Variants in GML observed in about 807,000 individuals in gnomAD.
GML encodes the protein glycosylphosphatidylinositol anchored molecule like.
Under a neutral mutation model 8.2 loss-of-function variants are expected in GML, and 5 were observed. The ratio of observed to expected loss-of-function variants is 0.61; its 90% CI spans 0.32 to 1.28. The LOEUF is 1.28. GML is among the 50% of genes most tolerant of loss of function. The pLI is 0.06. For synonymous variants in GML, 72 were observed against 69.0 expected (o/e 1.04, Z -0.22); for missense variants, 191 against 198.3 (o/e 0.96, Z 0.22).
intron 3 of GML, among the ~76,000 whole-genome samples, chr8:142,844,037 A>G (rs924196257): frequency 4.0e-5 from 6 of 151,582 alleles, no homozygotes; most frequent in African/African-American, 1.5e-4. Flanking sequence ...AGTCTTGGGG[A>G]AAAAGAAAAA....
At chr8:142,844,080 C>A (rs59123995) in intron 3 of GML, among the ~76,000 whole-genome samples, 93,815 of 151,944 alleles carry the variant, frequency 0.62, 29,283 homozygotes, top group East Asian at 0.85. Flanking sequence ...ACTATCAAAC[C>A]GTTTCCTTAA....
At chr8:142,835,362 G>A (rs7829926) in intron 1 of GML, among the ~76,000 whole-genome samples, 47,909 of 151,876 alleles carry the variant, frequency 0.32, 9,121 homozygotes, top group Admixed American at 0.4. Flanking sequence ...CCCTTCCCTC[G>A]GGGTGTCCCG....
At position 142,838,074 on chromosome 8, in the gene GML, C is replaced by G. The variant is rs62524967; in HGVS notation, c.-22-2342C>G. ...AAGGGTACCCTGGGAAGGGCTCGCC[C>G]TCTTCGGAATTTCAGTTTACGTGGG... On this transcript the variant is annotated intron_variant, in intron 1 of 3. Transcript: ENST00000220940. Among the ~76,000 whole-genome samples the G allele has an allele frequency of 4.6e-4, 67 of 144,970 alleles. 5 individuals are homozygous for G. Among genetic ancestry groups the G allele is most frequent in the Non-Finnish European group, 7.5e-4 (50 of 66,654 alleles).
chr8:142,837,058 C>G (rs1191670994), intron 1 of GML, among the ~76,000 whole-genome samples: 3 of 152,142 alleles, frequency 2.0e-5, no homozygotes, highest in Non-Finnish European at 4.4e-5. Context: ...CTTTGGGAGG[C>G]TGAGGCAGGC....
At chr8:142,841,033 C>T (rs567484269) in intron 2 of GML, 85 bp from the exon 3 acceptor site, 126 of 757,268 alleles carry the variant, frequency 1.7e-4, no homozygotes, top group Middle Eastern at 6.4e-4. Context: ...AAGGGCTGGC[C>T]GTTGAAGAAG....
chr8:142,836,275 C>T (rs937378368), intron 1 of GML, among the ~76,000 whole-genome samples: 1 of 146,894 alleles, frequency 6.8e-6, no homozygotes, highest in African/African-American at 2.7e-5. Context: ...AAGGCAGTGT[C>T]AGAATTGAAT....
chr8:142,841,291 C>T lies in GML; in HGVS notation c.181+66C>T. 3 of 830,370 alleles carry T rather than the reference C, an allele frequency of 3.6e-6. 1 individual carries two copies. The highest frequency in any genetic ancestry group is 6.4e-6 in the Non-Finnish European group (3 of 469,774). 51.4% of individuals were successfully genotyped at this position (830,370 alleles called of 1,614,324 possible). ...CCCCTACCTGGGTAGTTTCTGGGGC[C>T]AGGGCCAGTCTGCTTTCTTCTCTGC... On this transcript the variant is annotated intron_variant, in intron 3 of 3. Coordinates refer to ENST00000220940, the MANE Select transcript of GML (RefSeq NM_002066.3).
In GML at chr8:142,841,222, A is replaced by C. The variant is rs1209313875; in HGVS notation, c.178A>C (p.Ile60Leu). The C allele has an allele frequency of 1.5e-6, 2 of 1,375,516 alleles. No individual in the cohort carries two copies. The highest frequency in any genetic ancestry group is 2.9e-5 in the African/African-American group (2 of 70,024). 85.2% of individuals were successfully genotyped at this position (1,375,516 alleles called of 1,614,324 possible). A position where few individuals can be genotyped will look rare whatever the true frequency, so the allele number is the denominator to read the frequency against. Residue 60 changes from isoleucine to leucine, a missense_variant, in exon 3 of 4, where the codon ATT becomes CTT. Physicochemically the swap from Ile to Leu is conservative, Grantham distance 5. Coordinates refer to ENST00000220940, the MANE Select transcript of GML (RefSeq NM_002066.3). ...TATTAGGCGCTGTATGACAATCTCC[A>C]TTCGTAAGTACCTCTTTGTCATTTT... ...YHIRRCMTIS[I>L]RINSRELLVY...
At chr8:142,842,751 G>A (rs1294138223) in intron 3 of GML, among the ~76,000 whole-genome samples, 1 of 152,198 alleles carries the variant, frequency 6.6e-6, no homozygotes, top group Non-Finnish European at 1.5e-5. Context: ...TACTCCAGTG[G>A]CGCAGTTTAA....
chr8:142,835,162 C>T (rs933831267), intron 1 of GML, among the ~76,000 whole-genome samples: 4 of 151,780 alleles, frequency 2.6e-5, no homozygotes, highest in African/African-American at 9.7e-5. Context: ...CCTAATTCAG[C>T]TCCTCTCAGG....
chr8:142,835,785 T>C (rs1233830187), intron 1 of GML, among the ~76,000 whole-genome samples: 1 of 152,184 alleles, frequency 6.6e-6, no homozygotes, highest in East Asian at 1.9e-4. Flanking sequence ...GGCTCTGAAG[T>C]GTCTGTCCTT....
intron 3 of GML, among the ~76,000 whole-genome samples, chr8:142,842,949 T>C (rs1338681193): frequency 6.6e-6 from 1 of 152,226 alleles, no homozygotes; most frequent in African/African-American, 2.4e-5. Flanking sequence ...CCCATGGTCA[T>C]GGCAGCTGCA....
chr8:142,835,439 C>T (rs985496858), intron 1 of GML, among the ~76,000 whole-genome samples: 1 of 152,196 alleles, frequency 6.6e-6, no homozygotes, highest in African/African-American at 2.4e-5. Context: ...GCCTGTTCCA[C>T]GTTCTGCTGC....
intron 1 of GML, among the ~76,000 whole-genome samples, chr8:142,835,886 C>T (rs772339879): frequency 1.3e-5 from 2 of 152,182 alleles, no homozygotes; most frequent in African/African-American, 2.4e-5. Context: ...GCCTCCTTTG[C>T]TTTGTGATAT....
At chr8:142,835,678 A>G (rs1056834472) in intron 1 of GML, among the ~76,000 whole-genome samples, 7 of 152,120 alleles carry the variant, frequency 4.6e-5, no homozygotes, top group African/African-American at 1.7e-4. Context: ...TTAAGTTCCA[A>G]ACAGATGAGG....
In GML at chr8:142,846,406, C is replaced by T. The variant is rs375056481; in HGVS notation, c.193C>T (p.Arg65Cys). 24 of 1,587,164 alleles carry T rather than the reference C, an allele frequency of 1.5e-5. No homozygotes were observed. Among genetic ancestry groups the T allele is most frequent in the South Asian group, 8.0e-5 (7 of 87,018 alleles). The stretch of plus-strand genomic sequence containing the variant: ...GCTTCTTTTTTTAGGCATAAATTCT[C>T]GTGAACTACTTGTTTATAAGAACTG... Reference protein sequence around the residue: ...CMTISIRINSRELLVYKNCTN... With the variant: ...CMTISIRINSCELLVYKNCTN... Residue 65 changes from arginine to cysteine, a missense_variant, in exon 4 of 4, where the codon CGT becomes TGT. Coordinates refer to ENST00000220940, the MANE Select transcript of GML (RefSeq NM_002066.3).
At chr8:142,836,379 A>G (rs945793527) in intron 1 of GML, among the ~76,000 whole-genome samples, 1 of 152,224 alleles carries the variant, frequency 6.6e-6, no homozygotes, top group Non-Finnish European at 1.5e-5. Context: ...TGGTGTAGAA[A>G]TAATTCATAC....
At chr8:142,844,878 C>G (rs1258172340) in intron 3 of GML, among the ~76,000 whole-genome samples, 3 of 152,164 alleles carry the variant, frequency 2.0e-5, no homozygotes, top group African/African-American at 7.2e-5. Flanking sequence ...ATGTTGTCGG[C>G]TAAAGCTGCG....
chr8:142,837,229 G>A (rs1422632849), intron 1 of GML, among the ~76,000 whole-genome samples: 4 of 152,120 alleles, frequency 2.6e-5, no homozygotes, highest in Non-Finnish European at 5.9e-5. Flanking sequence ...TGGAGGTGGA[G>A]GTTGTAGTGA....
Sources: allele counts gnomAD v4.1 joint callset (sites outside exome capture counted in the v4.1 genomes callset), GRCh38; gene constraint gnomAD v4.1.1; transcripts MANE v1.5; gene names NCBI Gene and HGNC (gene_info 2026-07-23, HGNC 2026-07-21).